Variants in IGSF9B observed in about 807,000 individuals in gnomAD.
IGSF9B encodes immunoglobulin superfamily member 9B.
In IGSF9B, 48 loss-of-function variants were observed where a neutral mutation model predicts 143.7. The observed-to-expected ratio is 0.33, with a 90% CI of 0.26 to 0.42. The LOEUF (loss-of-function observed/expected upper bound fraction) is 0.42, where lower values mean the gene tolerates loss of function less well. Among genes scored for constraint, IGSF9B ranks in the 20% least tolerant of loss-of-function variants. IGSF9B has a pLI of 1.00. For synonymous variants in IGSF9B, 903 were observed against 833.1 expected, an observed-to-expected ratio of 1.08 and a Z score of -1.44; for missense variants, 1,706 against 1,980.0, an observed-to-expected ratio of 0.86 and a Z score of 2.63.
chr11:133,922,428 C>T (rs1939558302), intron 16 of IGSF9B, 141 bp downstream of exon 16: 1 of 985,586 alleles, frequency 1.0e-6, no homozygotes, highest in Non-Finnish European at 1.5e-6. Flanking sequence ...ACTTTCAAAT[C>T]AAGTCTCACT....
chr11:133,925,277 A>G (rs1939603817), intron 14 of IGSF9B, among the ~76,000 whole-genome samples: 2 of 152,214 alleles, frequency 1.3e-5, no homozygotes, highest in African/African-American at 4.8e-5. Context: ...CCCCAGCTAG[A>G]TATCCAAGTT....
In IGSF9B at chr11:133,943,205, C is replaced by T. The variant is rs954248721; in HGVS notation, c.409+1015G>A. 2.6e-5 allele frequency among the ~76,000 whole-genome samples: 4 copies of T among 152,188 alleles called. No individual in the cohort carries two copies. The South Asian group carries it at 8.3e-4, about 32-fold the overall frequency. On this transcript the variant is annotated intron_variant, in intron 3 of 19. Transcript: ENST00000533871. The stretch of plus-strand genomic sequence containing the variant: ...ACCCAAGCACCCACGCTGTTGAAGC[C>T]TCAATAACTAGCACAGTATCTGCCA...
intron 12 of IGSF9B, among the ~76,000 whole-genome samples, chr11:133,929,156 G>A (rs1468000498): frequency 6.6e-6 from 1 of 152,184 alleles, no homozygotes; most frequent in East Asian, 1.9e-4. Context: ...TGTTTGAGGG[G>A]TGGATACCCC....
At position 133,920,787 on chromosome 11, in the gene IGSF9B, G is replaced by A. The variant is rs1477856522; in HGVS notation, c.2938C>T (p.Pro980Ser). 6.2e-7 allele frequency: 1 copy of A among 1,609,722 alleles called. No homozygotes were observed. The highest frequency in any genetic ancestry group is 1.1e-5 in the South Asian group (1 of 90,532). ...LSSSSPGEVEPPPFYVPEVGS... is the reference protein window; with the variant it reads ...LSSSSPGEVESPPFYVPEVGS... ...ACTTCTGGCACGTAGAACGGGGGCG[G>A]CTCCACCTCCCCAGGGCTGCTGCTG... The change falls in exon 18 of 20, where the codon CCG becomes TCG. Residue 980 changes from proline to serine, a missense_variant. This residue lies in a region of IGSF9B where 880 missense variants were observed against 762.9 expected (regional missense o/e 1.15). Transcript: ENST00000533871.
intron 3 of IGSF9B, 56 bp downstream of exon 3, chr11:133,944,164 C>T: frequency 6.5e-7 from 1 of 1,532,346 alleles, no homozygotes; most frequent in Non-Finnish European, 8.8e-7. Flanking sequence ...ACCCCGGAAA[C>T]AGCCCTCAGG....
chr11:133,938,616 A>G (rs573687271), intron 3 of IGSF9B, among the ~76,000 whole-genome samples: 1 of 152,118 alleles, frequency 6.6e-6, no homozygotes, highest in African/African-American at 2.4e-5. Context: ...CTTTTCACAG[A>G]CTCAGTCCCA....
At position 133,905,172 on chromosome 11, in the gene IGSF9B, A is replaced by G. The variant is rs1018697793; in HGVS notation, c.*3897T>C. ...AAGCAAAGCAAGCCCAAGATTAACC[A>G]TTAGCTTTTCTTTTCCTAGGTTTCT... On this transcript the variant is annotated 3_prime_UTR_variant, in exon 20 of 20. Coordinates refer to ENST00000533871, the MANE Select transcript of IGSF9B (RefSeq NM_001277285.4). This position sits in a 1 kb window ranked among gnomAD's most constrained non-coding sequence, Gnocchi z 4.0. Among the ~76,000 whole-genome samples, 1 of 151,900 alleles carries G rather than the reference A, an allele frequency of 6.6e-6. No individual in the cohort carries two copies. Among genetic ancestry groups the G allele is most frequent in the Non-Finnish European group, 1.5e-5 (1 of 68,006 alleles).
Position 133,904,042 on chromosome 11 carries a change from C to T in IGSF9B, c.*5027G>A, listed in dbSNP as rs1178184206. ...TGAAACTCTTTTGCCCTCCCACCTC[C>T]ACCACAGACTAGTGACTTTAGCCTA... On this transcript the variant is annotated 3_prime_UTR_variant, in exon 20 of 20. Transcript: ENST00000533871. 6.6e-6 allele frequency among the ~76,000 whole-genome samples: 1 copy of T among 152,174 alleles called. No homozygotes were observed. Among genetic ancestry groups the T allele is most frequent in the Non-Finnish European group, 1.5e-5 (1 of 68,032 alleles).
At chr11:133,916,217 G>C (rs1939379330) in intron 18 of IGSF9B, among the ~76,000 whole-genome samples, 1 of 152,144 alleles carries the variant, frequency 6.6e-6, no homozygotes, top group African/African-American at 2.4e-5. Flanking sequence ...GAAAGGACAG[G>C]TCCACGCAAT....
chr11:133,946,047 T>G lies in IGSF9B; in HGVS notation c.262+14A>C, dbSNP rs762465242. The stretch of plus-strand genomic sequence containing the variant: ...GCTGGGGAAGGTGCGGGAGACCGGG[T>G]GCCCAGACCTTACCTGCATACTCAG... On this transcript the variant is annotated intron_variant, in intron 2 of 19. Coordinates refer to ENST00000533871, the MANE Select transcript of IGSF9B (RefSeq NM_001277285.4). The G allele has an allele frequency of 6.6e-7, 1 of 1,518,324 alleles. No individual in the cohort carries two copies. The highest frequency in any genetic ancestry group is 8.9e-7 in the Non-Finnish European group (1 of 1,126,302). 94.1% of individuals were successfully genotyped at this position (1,518,324 alleles called of 1,614,324 possible). A position where few individuals can be genotyped will look rare whatever the true frequency, so the allele number is the denominator to read the frequency against.
intron 18 of IGSF9B, among the ~76,000 whole-genome samples, chr11:133,915,392 C>G (rs758506742): frequency 4.6e-5 from 7 of 151,882 alleles, no homozygotes; most frequent in African/African-American, 7.3e-5. Flanking sequence ...CCTCAGCCCC[C>G]CAAGGAGCTG....
At chr11:133,926,858 C>T in intron 13 of IGSF9B, 58 bp downstream of exon 13, 10 of 1,449,438 alleles carry the variant, frequency 6.9e-6, no homozygotes, top group Non-Finnish European at 9.4e-6. Context: ...GCTGCCTGGG[C>T]CACCGCCCCC....
At chr11:133,933,785 C>T (rs566078880) in intron 7 of IGSF9B, among the ~76,000 whole-genome samples, 55 of 152,200 alleles carry the variant, frequency 3.6e-4, no homozygotes, top group Middle Eastern at 3.4e-3. Flanking sequence ...TCTTGCAATG[C>T]GGGCTGAGTC....
Position 133,942,394 on chromosome 11 carries a change from G to A in IGSF9B, c.409+1826C>T, listed in dbSNP as rs996187434. Among the ~76,000 whole-genome samples, 12 of 152,132 alleles carry A rather than the reference G, an allele frequency of 7.9e-5. No individual in the cohort carries two copies. In the South Asian group the frequency reaches 1.0e-3, roughly 13 times the overall value. ...ACGAACCTCATCTTTTAAAGGTCTC[G>A]CTCCATGCTTATCCCACTCAAAGCA... On this transcript the variant is annotated intron_variant, in intron 3 of 19. Coordinates refer to ENST00000533871, the MANE Select transcript of IGSF9B (RefSeq NM_001277285.4).
intron 3 of IGSF9B, among the ~76,000 whole-genome samples, chr11:133,939,490 T>C (rs558709): frequency 0.37 from 56,850 of 152,226 alleles, 11,761 homozygotes; most frequent in Middle Eastern, 0.51. Context: ...CTGGATGTAG[T>C]AGCCAAGGGC....
Position 133,919,914 on chromosome 11 carries a change from G to A in IGSF9B, c.3811C>T (p.Pro1271Ser). 6.4e-7 allele frequency: 1 copy of A among 1,566,292 alleles called. No individual in the cohort carries two copies. The highest frequency in any genetic ancestry group is 1.2e-5 in the South Asian group (1 of 84,874). Residue 1271 changes from proline (P) to serine (S), a missense_variant, in exon 18 of 20, where the codon CCC becomes TCC. Pro to Ser is a moderately conservative substitution (Grantham distance 74). Around this residue, in one of 7 missense-constraint regions of IGSF9B, gnomAD observed 880 missense variants for 762.9 expected, o/e 1.15. Coordinates refer to ENST00000533871, the MANE Select transcript of IGSF9B (RefSeq NM_001277285.4). ...GCCAGAGTGGTGAAGCCCATGGCGG[G>A]CCGGTAGCTGGGACTCCCACTGCGG... ...SSRSGSPSYRPAMGFTTLATG... is the reference protein window; with the variant it reads ...SSRSGSPSYRSAMGFTTLATG...
rs932347444 is a variant in IGSF9B at position 133,908,403 on chromosome 11, C to A, written c.*666G>T. ...TGGGTGGGAGAAGGTAGGAGACACA[C>A]GGAGAATTCAGCTGAGAGACACGGA... On this transcript the variant is annotated 3_prime_UTR_variant, in exon 20 of 20. Coordinates refer to ENST00000533871, the MANE Select transcript of IGSF9B (RefSeq NM_001277285.4). Among the ~76,000 whole-genome samples the A allele has an allele frequency of 6.6e-6, 1 of 152,028 alleles. No homozygotes were observed. The highest frequency in any genetic ancestry group is 2.4e-5 in the African/African-American group (1 of 41,402).
At position 133,902,041 on chromosome 11, in the gene IGSF9B, C is replaced by CA. The variant is rs1591703874; in HGVS notation, c.*7027_*7028insT. Among the ~76,000 whole-genome samples the CA allele has an allele frequency of 1.4e-5, 2 of 144,064 alleles. 1 individual carries two copies. 94.5% of individuals were successfully genotyped at this position (144,064 alleles called of 152,430 possible). A position where few individuals can be genotyped will look rare whatever the true frequency, so the allele number is the denominator to read the frequency against. ...TACACACACCATACCACACACCACA[C>CA]CCACACACAATACACACATACCACA... On this transcript the variant is annotated 3_prime_UTR_variant, in exon 20 of 20. Coordinates refer to ENST00000533871, the MANE Select transcript of IGSF9B (RefSeq NM_001277285.4).
rs755824827 is a variant in IGSF9B, at chr11:133,948,347, T to A, written c.65-2089A>T. Among the ~76,000 whole-genome samples the A allele has an allele frequency of 5.3e-5, 8 of 151,836 alleles. No homozygotes were observed. The highest frequency in any genetic ancestry group is 8.8e-5 in the Non-Finnish European group (6 of 67,982). ...TAGAGAAAGAGCTAAGATCACAGAG[T>A]ATTTTTGGAGCAGAGCAGAGCATTG... On this transcript the variant is annotated intron_variant, in intron 1 of 19. Transcript: ENST00000533871. This position sits in a 1 kb window ranked among gnomAD's most constrained non-coding sequence, Gnocchi z 4.7.
Sources: allele counts gnomAD v4.1 joint callset (sites outside exome capture counted in the v4.1 genomes callset), GRCh38; gene constraint gnomAD v4.1.1; regional missense constraint gnomAD v4.1.1; non-coding constraint Gnocchi (gnomAD v3.1); transcripts MANE v1.5; gene names NCBI Gene and HGNC (gene_info 2026-07-23, HGNC 2026-07-21).